The following CFAP299 variants were observed in gnomAD, a reference collection of about 807,000 sequenced individuals.
The protein encoded by CFAP299 is cilia- and flagella-associated protein 299.
A neutral mutation model predicts 27.0 loss-of-function variants in CFAP299; 21 were observed. The observed-to-expected ratio is 0.78, with a 90% CI of 0.55 to 1.12. CFAP299 has a LOEUF of 1.12. CFAP299 is among the 50% of genes most tolerant of loss of function. CFAP299 has a pLI of 0.00. For missense variants in CFAP299, 310 were observed against 276.6 expected (o/e 1.12, Z -0.86); for synonymous variants, 104 against 98.1 (o/e 1.06, Z -0.36).
chr4:80,730,432 T>TA (rs1723452226), intron 3 of CFAP299, among the ~76,000 whole-genome samples: 5 of 151,280 alleles, frequency 3.3e-5, no homozygotes, highest in African/African-American at 1.2e-4. Context: ...AAGGCAAGGC[T>TA]CCCCCAGAGA....
chr4:80,810,443 A>C (rs1729089549), intron 3 of CFAP299, among the ~76,000 whole-genome samples: 1 of 152,012 alleles, frequency 6.6e-6, no homozygotes, highest in African/African-American at 2.4e-5. Flanking sequence ...CTTTGCATAT[A>C]TAATTAGTTA....
At chr4:80,692,045 G>A (rs1156756431) in intron 3 of CFAP299, among the ~76,000 whole-genome samples, 1 of 152,076 alleles carries the variant, frequency 6.6e-6, no homozygotes, top group Non-Finnish European at 1.5e-5. Flanking sequence ...AAATAAAAGA[G>A]GATACAAACA....
chr4:80,522,955 T>C (rs1732995184), intron 2 of CFAP299, among the ~76,000 whole-genome samples: 1 of 152,160 alleles, frequency 6.6e-6, no homozygotes, highest in African/African-American at 2.4e-5. Context: ...TGTTCTTCTT[T>C]CTCAAGGTTG....
chr4:80,856,909 A>G (rs1306583790), intron 3 of CFAP299, among the ~76,000 whole-genome samples: 6 of 151,680 alleles, frequency 4.0e-5, no homozygotes, highest in African/African-American at 7.3e-5. Context: ...TTCCATATGA[A>G]GTTTAAAGTA....
intron 3 of CFAP299, among the ~76,000 whole-genome samples, chr4:80,854,536 G>A (rs1357155362): frequency 6.6e-6 from 1 of 151,892 alleles, no homozygotes; most frequent in African/African-American, 2.4e-5. Flanking sequence ...CAGAAGCATG[G>A]ATATCCCAGC....
chr4:80,570,679 A>G (rs1371686870), intron 2 of CFAP299, among the ~76,000 whole-genome samples: 2 of 152,122 alleles, frequency 1.3e-5, no homozygotes, highest in African/African-American at 2.4e-5. Flanking sequence ...TTTGGAAACA[A>G]GTGGCTTTAT....
chr4:80,896,061 G>A (rs971176552), intron 4 of CFAP299, among the ~76,000 whole-genome samples: 7 of 151,954 alleles, frequency 4.6e-5, no homozygotes, highest in Non-Finnish European at 1.0e-4. Context: ...TCAGTGGAGA[G>A]ACATTGTATT....
At chr4:80,438,299 A>AAAG (rs1728190710) in intron 2 of CFAP299, among the ~76,000 whole-genome samples, 4 of 152,202 alleles carry the variant, frequency 2.6e-5, no homozygotes, top group Admixed American at 1.3e-4. Context: ...GAAGTCTAGG[A>AAAG]AAAGCCTTCA....
At chr4:80,785,690 C>T (rs1727204073) in intron 3 of CFAP299, among the ~76,000 whole-genome samples, 1 of 152,064 alleles carries the variant, frequency 6.6e-6, no homozygotes, top group Non-Finnish European at 1.5e-5. Flanking sequence ...CATTAGGCTA[C>T]ATGGAGAGCA....
upstream of CFAP299, among the ~76,000 whole-genome samples, chr4:80,332,774 A>G (rs992738666): frequency 8.5e-5 from 13 of 152,184 alleles, no homozygotes; most frequent in African/African-American, 3.1e-4. Flanking sequence ...TGGCAGCTCC[A>G]CATTTATTGT....
intron 2 of CFAP299, among the ~76,000 whole-genome samples, chr4:80,478,582 A>G (rs543245651): frequency 2.6e-5 from 4 of 152,218 alleles, no homozygotes; most frequent in East Asian, 1.9e-4. Flanking sequence ...TTCAAAATCA[A>G]AAAGGGCCTG....
intron 2 of CFAP299, among the ~76,000 whole-genome samples, chr4:80,460,544 T>C (rs1376354962): frequency 6.6e-6 from 1 of 152,178 alleles, no homozygotes; most frequent in African/African-American, 2.4e-5. Context: ...ATGCTGAAGA[T>C]GGCCAAAACT....
chr4:80,360,270 A>G (rs147435077), intron 1 of CFAP299, among the ~76,000 whole-genome samples: 3,242 of 152,288 alleles, frequency 0.021, 69 homozygotes, highest in Admixed American at 0.069. Context: ...GCCTCTCTGC[A>G]GGCACTCACC....
intron 4 of CFAP299, among the ~76,000 whole-genome samples, chr4:80,921,437 A>C (rs376178402): frequency 2.6e-5 from 4 of 152,184 alleles, no homozygotes; most frequent in African/African-American, 9.6e-5. Context: ...ATGTATAGAC[A>C]TTTCCAGCCT....
In CFAP299 at chr4:80,558,350, G is replaced by GTTTTTTTTTTTTTTTTTT. The variant is rs1352651407; in HGVS notation, c.243-24740_243-24739insTTTTTTTTTTTTTTTTTT. Among the ~76,000 whole-genome samples, 35 of 132,228 alleles carry GTTTTTTTTTTTTTTTTTT rather than the reference G, an allele frequency of 2.6e-4. 1 individual carries two copies. The highest frequency in any genetic ancestry group is 9.1e-4 in the African/African-American group (30 of 33,072). 86.7% of individuals were successfully genotyped at this position (132,228 alleles called of 152,430 possible). A position where few individuals can be genotyped will look rare whatever the true frequency, so the allele number is the denominator to read the frequency against. On this transcript the variant is annotated intron_variant, in intron 2 of 5. Transcript: ENST00000358105. ...GAAGACTTTTGTGGTTTTTTTGTTT[G>GTTTTTTTTTTTTTTTTTT]TTTGTTTGTTTGTTTGTTTTTTTTT...
intron 2 of CFAP299, chr4:80,388,263 G>T: frequency 1.5e-6 from 1 of 688,980 alleles, no homozygotes; most frequent in Non-Finnish European, 2.7e-6. Flanking sequence ...GGCATGGGCT[G>T]GTCCAGGGAT....
intron 3 of CFAP299, among the ~76,000 whole-genome samples, chr4:80,865,735 A>C (rs1732685064): frequency 6.6e-6 from 1 of 152,024 alleles, no homozygotes; most frequent in Admixed American, 6.6e-5. Flanking sequence ...AATACTATGC[A>C]GCCATAAAAA....
At chr4:80,501,551 G>T (rs1458841522) in intron 2 of CFAP299, among the ~76,000 whole-genome samples, 2 of 147,612 alleles carry the variant, frequency 1.4e-5, no homozygotes, top group East Asian at 3.9e-4. Flanking sequence ...AATATGTTAA[G>T]TATAAATATA....
the CFAP299 span, among the ~76,000 whole-genome samples, chr4:80,330,448 C>T: frequency 6.6e-6 from 1 of 152,056 alleles, no homozygotes; most frequent in Admixed American, 6.6e-5. Context: ...TGCATATGTC[C>T]TGCACTTTAA....
Sources: allele counts gnomAD v4.1 joint callset (sites outside exome capture counted in the v4.1 genomes callset), GRCh38; gene constraint gnomAD v4.1.1; transcripts MANE v1.5; gene names NCBI Gene and HGNC (gene_info 2026-07-23, HGNC 2026-07-21).